Variants in KMT2E observed in about 807,000 individuals in gnomAD.
The protein encoded by KMT2E is lysine methyltransferase 2E (inactive).
KMT2E carries 30 observed loss-of-function variants against 184.6 expected under a neutral mutation model. The ratio of observed to expected loss-of-function variants is 0.16; its 90% CI spans 0.12 to 0.22. The LOEUF (loss-of-function observed/expected upper bound fraction) is 0.22. Ranked by LOEUF, KMT2E falls within the 10% of genes least tolerant of loss-of-function variation. KMT2E has a pLI of 1.00. For synonymous variants in KMT2E, 815 were observed against 776.5 expected, an observed-to-expected ratio of 1.05 and a Z score of -0.82; for missense variants, 2,023 against 2,237.4, an observed-to-expected ratio of 0.90 and a Z score of 1.93.
intron 13 of KMT2E, chr7:105,089,496 T>C (rs1798115129): frequency 5.3e-6 from 1 of 189,338 alleles, no homozygotes; most frequent in African/African-American, 2.4e-5. Flanking sequence ...TCCTAAACTT[T>C]TTGAGCACTG....
chr7:105,073,289 C>G (rs1449780470), intron 6 of KMT2E, among the ~76,000 whole-genome samples: 2 of 150,380 alleles, frequency 1.3e-5, no homozygotes, highest in Non-Finnish European at 3.0e-5. Context: ...CTCAGCTACT[C>G]AGGAGGCTGA....
chr7:105,029,983 T>G (rs1795338489), intron 1 of KMT2E, among the ~76,000 whole-genome samples: 1 of 152,190 alleles, frequency 6.6e-6, no homozygotes, highest in African/African-American at 2.4e-5. Flanking sequence ...ATAATTTAGG[T>G]GGGTATCCTA....
At chr7:105,089,207 G>GTT in intron 13 of KMT2E, 1 of 397,420 alleles carries the variant, frequency 2.5e-6, no homozygotes, top group Non-Finnish European at 4.9e-6. Context: ...AACTTTTTTT[G>GTT]TTTTTTTTCT....
intron 3 of KMT2E, among the ~76,000 whole-genome samples, chr7:105,055,450 C>G (rs1193244293): frequency 1.3e-5 from 2 of 152,126 alleles, no homozygotes; most frequent in Non-Finnish European, 2.9e-5. Context: ...TCATCTCTGG[C>G]ACATCCTCCA....
At chr7:105,021,440 T>C (rs987176759) in intron 1 of KMT2E, among the ~76,000 whole-genome samples, 12 of 152,240 alleles carry the variant, frequency 7.9e-5, no homozygotes, top group Non-Finnish European at 1.8e-4. Context: ...TTTCACCTTC[T>C]TAAAAGCCTG....
At position 105,112,272 on chromosome 7, in the gene KMT2E, C is replaced by T. The variant is rs373517636; in HGVS notation, c.4516C>T (p.Leu1506Phe). The T allele has an allele frequency of 6.2e-6, 10 of 1,614,132 alleles. No homozygotes were observed. The South Asian group carries it at 1.1e-4, about 18-fold the overall frequency. Residue 1506 changes from leucine to phenylalanine, a missense_variant, in exon 27 of 27, where the codon CTT (leucine) becomes TTT (phenylalanine). By Grantham distance (22) the Leu-to-Phe change is conservative (BLOSUM62 0). Transcript: ENST00000311117. ...AAACTTTTATCCAGCAGCACAGAAC[C>T]TTCCAGCCAATACTCAGCAGGCAAC... is the stretch of plus-strand genomic sequence containing the variant. ...QRNFYPAAQN[L>F]PANTQQATSG...
rs952260947 is a variant in KMT2E at position 105,112,033 on chromosome 7, A to G, written c.4277A>G (p.Glu1426Gly). ...PPQTHVRNSS[E>G]QLSQKLPSVP... ...CAGACACACGTTCGTAATTCATCTG[A>G]GCAACTTTCACAAAAGCTGCCTTCT... is the stretch of plus-strand genomic sequence containing the variant. The change falls in exon 27 of 27, where the codon GAG (glutamate) becomes GGG (glycine). Residue 1426 changes from glutamate (E) to glycine (G), a missense_variant. By Grantham distance (98) the Glu-to-Gly change is moderately conservative. Transcript: ENST00000311117. 3.1e-6 allele frequency: 5 copies of G among 1,614,096 alleles called. No individual in the cohort carries two copies. In the African/African-American group the frequency reaches 5.3e-5, roughly 17 times the overall value.
In KMT2E at chr7:105,112,849, C is replaced by A. The variant is rs779938365; in HGVS notation, c.5093C>A (p.Thr1698Lys). Residue 1698 changes from threonine to lysine, a missense_variant, in exon 27 of 27, where the codon ACA (threonine) becomes AAA (lysine). By Grantham distance (78) the Thr-to-Lys change is moderately conservative. Around this residue, in one of 8 missense-constraint regions of KMT2E, gnomAD observed 1,108 missense variants for 1,050.9 expected, o/e 1.05. Transcript: ENST00000311117. The part of the protein sequence containing the change: ...PHHHPPPHPS[T>K]GLQGLQAQHQ... ...CACCATCCACCACCCCATCCATCCA[C>A]AGGACTCCAAGGTCTACAAGCACAA... 6.9e-6 allele frequency: 11 copies of A among 1,605,612 alleles called. No individual in the cohort carries two copies. Among genetic ancestry groups the A allele is most frequent in the Non-Finnish European group, 9.4e-6 (11 of 1,176,370 alleles).
At chr7:105,062,817 A>G (rs1044946481) in intron 4 of KMT2E, among the ~76,000 whole-genome samples, 4 of 152,062 alleles carry the variant, frequency 2.6e-5, no homozygotes, top group African/African-American at 7.2e-5. Flanking sequence ...TTTAGATTCA[A>G]ACGTAATTAC....
At chr7:105,103,938 C>T (rs950650949) in intron 17 of KMT2E, 1 of 151,012 alleles carries the variant, frequency 6.6e-6, no homozygotes, top group Non-Finnish European at 1.5e-5. Context: ...AGTGCTTCTC[C>T]TGCCTCAGCC....
At chr7:105,062,040 C>A in intron 3 of KMT2E, 124 bp from the exon 4 acceptor site, 1 of 668,466 alleles carries the variant, frequency 1.5e-6, no homozygotes, top group Non-Finnish European at 2.7e-6. Context: ...TATCCACCTG[C>A]TGTAAGTAGA....
At chr7:105,105,216 C>A in intron 17 of KMT2E, 5 of 394,706 alleles carry the variant, frequency 1.3e-5, no homozygotes, top group Non-Finnish European at 1.8e-5. Flanking sequence ...AAAAAGCAAC[C>A]ATATGTTTTG....
chr7:105,044,626 T>C (rs2129565622), intron 3 of KMT2E, among the ~76,000 whole-genome samples: 1 of 152,262 alleles, frequency 6.6e-6, no homozygotes, highest in South Asian at 2.1e-4. Context: ...CCTAGGATAG[T>C]GCCTGATTAT....
chr7:105,070,071 C>T (rs755180765), intron 6 of KMT2E, among the ~76,000 whole-genome samples: 1 of 152,072 alleles, frequency 6.6e-6, no homozygotes, highest in Non-Finnish European at 1.5e-5. Flanking sequence ...TTTCTTTAAC[C>T]TATTCACCCA....
intron 3 of KMT2E, among the ~76,000 whole-genome samples, chr7:105,058,935 A>G (rs1796682360): frequency 1.3e-5 from 2 of 152,206 alleles, no homozygotes; most frequent in South Asian, 4.1e-4. Flanking sequence ...AGAAAAAAAG[A>G]ACATACAAAG....
intron 1 of KMT2E, among the ~76,000 whole-genome samples, chr7:105,029,137 G>A (rs1795295051): frequency 6.6e-6 from 1 of 151,980 alleles, no homozygotes; most frequent in South Asian, 2.1e-4. Context: ...GGTGGTGCAC[G>A]CCTGTAATCT....
At position 105,112,951 on chromosome 7, in the gene KMT2E, A is replaced by T; in HGVS notation, c.5195A>T (p.His1732Leu). ...PPSSVLASGHHTTSAQALHHP... is the reference protein window; with the variant it reads ...PPSSVLASGHLTTSAQALHHP... ...TCCAGTGTTTTGGCTTCTGGGCATCATACCACATCAGCTCAAGCCTTACAC... is the reference window on the plus strand; with the variant it reads ...TCCAGTGTTTTGGCTTCTGGGCATCTTACCACATCAGCTCAAGCCTTACAC... The change falls in exon 27 of 27, where the codon CAT becomes CTT. Residue 1732 changes from histidine (H) to leucine (L), a missense_variant. His to Leu is a moderately conservative substitution (Grantham distance 99). Transcript: ENST00000311117. 6.2e-7 allele frequency: 1 copy of T among 1,613,688 alleles called. No individual in the cohort carries two copies. Among genetic ancestry groups the T allele is most frequent in the Non-Finnish European group, 8.5e-7 (1 of 1,179,902 alleles).
At chr7:105,081,906 C>T (rs1356214982) in intron 13 of KMT2E, 109 bp downstream of exon 13, 2 of 547,928 alleles carry the variant, frequency 3.7e-6, no homozygotes, top group East Asian at 6.0e-5. Context: ...TTTTATCTAT[C>T]ATGAATCAGT....
chr7:105,110,266 T>C lies in KMT2E; in HGVS notation c.3756-14T>C, dbSNP rs759894847. 5.0e-6 allele frequency: 8 copies of C among 1,609,698 alleles called. No homozygotes were observed. Among genetic ancestry groups the C allele is most frequent in the Non-Finnish European group, 6.8e-6 (8 of 1,176,010 alleles). On this transcript the variant is annotated splice_polypyrimidine_tract_variant and intron_variant, in intron 23 of 26. Coordinates refer to ENST00000311117, the MANE Select transcript of KMT2E (RefSeq NM_182931.3). ...TTTCTTTCAATAGAGGATAATGTGA[T>C]TTTTCTTTGAAAGGACTGCCTCAAC...
Sources: allele counts gnomAD v4.1 joint callset (sites outside exome capture counted in the v4.1 genomes callset), GRCh38; gene constraint gnomAD v4.1.1; regional missense constraint gnomAD v4.1.1; transcripts MANE v1.5; gene names NCBI Gene and HGNC (gene_info 2026-07-23, HGNC 2026-07-21).